Variants in PSMD2 observed in about 807,000 individuals in gnomAD.
The protein encoded by PSMD2 is proteasome 26S subunit ubiquitin receptor, non-ATPase 2.
A neutral mutation model predicts 101.5 loss-of-function variants in PSMD2; 8 were observed. The ratio of observed to expected loss-of-function variants is 0.08; its 90% CI spans 0.05 to 0.14. The LOEUF (loss-of-function observed/expected upper bound fraction) is 0.14. Among genes scored for constraint, PSMD2 ranks in the 10% least tolerant of loss-of-function variants. PSMD2 has a pLI of 1.00. For missense variants in PSMD2, 784 were observed against 1,147.4 expected (o/e 0.68, Z 4.58); for synonymous variants, 418 against 433.8 (o/e 0.96, Z 0.45).
intron 14 of PSMD2, 75 bp from the exon 15 acceptor site, chr3:184,306,275 A>C (rs1721828197): frequency 1.3e-6 from 2 of 1,592,180 alleles, no homozygotes; most frequent in African/African-American, 2.7e-5. Flanking sequence ...GATTCTTTAG[A>C]CTTCTCCTGT....
chr3:184,305,700 C>A, intron 12 of PSMD2, 68 bp from the exon 13 acceptor site: 1 of 1,423,828 alleles, frequency 7.0e-7, no homozygotes, highest in South Asian at 1.2e-5. Context: ...TAGGAATAGG[C>A]TATCTTGAAT....
intron 9 of PSMD2, 68 bp downstream of exon 9, chr3:184,303,534 A>G: frequency 6.2e-7 from 1 of 1,605,328 alleles, no homozygotes; most frequent in Non-Finnish European, 8.5e-7. Flanking sequence ...TTGGAGTCAT[A>G]AGTTATCTGA....
chr3:184,308,632 T>TA lies in PSMD2; in HGVS notation c.2544+65_2544+66insA, dbSNP rs1721926902. The TA allele has an allele frequency of 6.3e-7, 1 of 1,586,056 alleles. No homozygotes were observed. Among genetic ancestry groups the TA allele is most frequent in the African/African-American group, 1.3e-5 (1 of 74,148 alleles). On this transcript the variant is annotated intron_variant, in intron 20 of 20. Transcript: ENST00000310118. This position sits in a 1 kb window ranked among gnomAD's most constrained non-coding sequence, Gnocchi z 6.0. ...TCAAACTGGAGAATGTACATATACTTGCTTTGCTGAAACTGGCGTGGGCGG... is the reference window on the plus strand; with the variant it reads ...TCAAACTGGAGAATGTACATATACTTAGCTTTGCTGAAACTGGCGTGGGCGG...
Position 184,307,934 on chromosome 3 carries a change from C to T in PSMD2, c.2343C>T (p.Tyr781=), listed in dbSNP as rs1435226538. 1.2e-6 allele frequency: 2 copies of T among 1,614,174 alleles called. No homozygotes were observed. The highest frequency in any genetic ancestry group is 1.7e-6 in the Non-Finnish European group (2 of 1,180,034). ...LGKGTLTLCP[Y]HSDRQLMSQV... The stretch of plus-strand genomic sequence containing the variant: ...AGGGCACCCTTACCCTCTGCCCCTA[C>T]CACAGCGACCGGCAGCTTATGAGCC... The change falls in exon 19 of 21, where the codon TAC becomes TAT. Residue 781 remains tyrosine (Y), a synonymous_variant. Transcript: ENST00000310118.
chr3:184,308,994 C>T lies in PSMD2; in HGVS notation c.*104C>T. ...CAGACTTCTGGGGGAATTGTCGCCT[C>T]CTGCTCTTTTGTTACTGAGTGAGAT... On this transcript the variant is annotated 3_prime_UTR_variant, in exon 21 of 21. Coordinates refer to ENST00000310118, the MANE Select transcript of PSMD2 (RefSeq NM_002808.5). This position sits in a 1 kb window ranked among gnomAD's most constrained non-coding sequence, Gnocchi z 6.0. 1 of 1,220,242 alleles carries T rather than the reference C, an allele frequency of 8.2e-7. No homozygotes were observed. The highest frequency in any genetic ancestry group is 1.2e-6 in the Non-Finnish European group (1 of 867,018). 75.6% of individuals were successfully genotyped at this position (1,220,242 alleles called of 1,614,324 possible).
chr3:184,301,209 G>T (rs537870592), intron 3 of PSMD2, among the ~76,000 whole-genome samples: 1 of 151,654 alleles, frequency 6.6e-6, no homozygotes, highest in Non-Finnish European at 1.5e-5. Context: ...GGTGGTGGGC[G>T]CCTGTAATCC....
chr3:184,300,470 G>A lies in PSMD2; in HGVS notation c.357+26G>A, dbSNP rs745360459. 5 of 1,605,390 alleles carry A rather than the reference G, an allele frequency of 3.1e-6. No individual in the cohort carries two copies. In the African/African-American group the frequency reaches 6.7e-5, roughly 22 times the overall value. On this transcript the variant is annotated intron_variant, in intron 3 of 20. Transcript: ENST00000310118. Reference sequence around the variant, plus strand: ...GTAAAACTGTTTCAAACCTGGTGGAGGCCTAGTTTAGGAATTCCTTTTTAC... The same window carrying A: ...GTAAAACTGTTTCAAACCTGGTGGAAGCCTAGTTTAGGAATTCCTTTTTAC...
rs1298198919 is a variant in PSMD2, at chr3:184,304,934, T to A, written c.1539+543T>A. Reference sequence around the variant, plus strand: ...ACATTTTAGTGTTGAGTTCTGTCCCTTGGAATCTCTGAGAAACTACTTGGA... The same window carrying A: ...ACATTTTAGTGTTGAGTTCTGTCCCATGGAATCTCTGAGAAACTACTTGGA... On this transcript the variant is annotated intron_variant, in intron 12 of 20. Coordinates refer to ENST00000310118, the MANE Select transcript of PSMD2 (RefSeq NM_002808.5). This position sits in a 1 kb window ranked among gnomAD's most constrained non-coding sequence, Gnocchi z 4.1. Among the ~76,000 whole-genome samples, 2 of 152,132 alleles carry A rather than the reference T, an allele frequency of 1.3e-5. No individual in the cohort carries two copies. The highest frequency in any genetic ancestry group is 2.9e-5 in the Non-Finnish European group (2 of 68,006).
At chr3:184,302,571 G>T (rs1401490338) in intron 6 of PSMD2, 43 bp downstream of exon 6, 2 of 1,611,816 alleles carry the variant, frequency 1.2e-6, no homozygotes, top group Non-Finnish European at 1.7e-6. Context: ...CTTACGAATA[G>T]GACACTTGCA....
Position 184,300,333 on chromosome 3 carries a change from T to A in PSMD2, c.246T>A (p.Ile82=). Residue 82 remains isoleucine (I), a synonymous_variant, in exon 3 of 21, where the codon ATT becomes ATA. Transcript: ENST00000310118. ...RPALEELRRQ[I]RSSTTSMTSV... Reference sequence around the variant, plus strand: ...CGCTGGAGGAATTGCGAAGGCAGATTCGTTCTTCTACAACTTCCATGACTT... The same window carrying A: ...CGCTGGAGGAATTGCGAAGGCAGATACGTTCTTCTACAACTTCCATGACTT... 1 of 1,613,946 alleles carries A rather than the reference T, an allele frequency of 6.2e-7. No individual in the cohort carries two copies. Among genetic ancestry groups the A allele is most frequent in the Non-Finnish European group, 8.5e-7 (1 of 1,179,804 alleles).
intron 3 of PSMD2, chr3:184,300,758 A>G: frequency 4.0e-6 from 3 of 745,294 alleles, no homozygotes; most frequent in Non-Finnish European, 5.1e-6. Context: ...TATGTTCCAC[A>G]TTCAGTCACT....
chr3:184,303,822 C>T, intron 10 of PSMD2, 73 bp downstream of exon 10: 1 of 1,601,044 alleles, frequency 6.2e-7, no homozygotes, highest in Non-Finnish European at 8.6e-7. Flanking sequence ...GCCTCTCTTT[C>T]ACTGATGAGG....
At chr3:184,300,722 C>G in intron 3 of PSMD2, 1 of 1,017,474 alleles carries the variant, frequency 9.8e-7, no homozygotes, top group Non-Finnish European at 1.2e-6. Flanking sequence ...TTCTTCTATC[C>G]CATATACATT....
chr3:184,299,511 G>T, intron 1 of PSMD2, 110 bp downstream of exon 1: 1 of 1,289,044 alleles, frequency 7.8e-7, no homozygotes, highest in South Asian at 2.2e-5. Flanking sequence ...GGGAGAGGGC[G>T]GTTGGGGCGA....
Position 184,304,171 on chromosome 3 carries a change from CTG to C in PSMD2, c.1451+100_1451+101del. ...TCACCCATATTGCCAAGGGCTACCA[CTG>C]TGCCTATTGGGTATCTGGCTCTTGG... is the stretch of plus-strand genomic sequence containing the variant. On this transcript the variant is annotated intron_variant, in intron 11 of 20. Transcript: ENST00000310118. The surrounding 1 kb of genome is among the most constrained non-coding windows in gnomAD (Gnocchi z 4.1). 6.4e-7 allele frequency: 1 copy of C among 1,562,160 alleles called. No individual in the cohort carries two copies. Among genetic ancestry groups the C allele is most frequent in the Non-Finnish European group, 8.8e-7 (1 of 1,133,734 alleles).
In PSMD2 at chr3:184,304,974, A is replaced by T. The variant is rs1650610569; in HGVS notation, c.1539+583A>T. ...AACTACTTGGACTAGAGTGAAGTGT[A>T]ACTTAACACAGCCTGGGGTTGATGA... On this transcript the variant is annotated intron_variant, in intron 12 of 20. Transcript: ENST00000310118. The surrounding 1 kb of genome is among the most constrained non-coding windows in gnomAD (Gnocchi z 4.1). Among the ~76,000 whole-genome samples, 1 of 152,218 alleles carries T rather than the reference A, an allele frequency of 6.6e-6. No homozygotes were observed. Among genetic ancestry groups the T allele is most frequent in the African/African-American group, 2.4e-5 (1 of 41,458 alleles).
Position 184,304,152 on chromosome 3 carries a change from A to C in PSMD2, c.1451+78A>C, listed in dbSNP as rs1264280680. ...AACAGGAACTGGGCCCTTTTCACCC[A>C]TATTGCCAAGGGCTACCACTGTGCC... On this transcript the variant is annotated intron_variant, in intron 11 of 20. Coordinates refer to ENST00000310118, the MANE Select transcript of PSMD2 (RefSeq NM_002808.5). This position sits in a 1 kb window ranked among gnomAD's most constrained non-coding sequence, Gnocchi z 4.1. The C allele has an allele frequency of 3.1e-6, 5 of 1,588,742 alleles. No homozygotes were observed. Among genetic ancestry groups the C allele is most frequent in the Admixed American group, 1.7e-5 (1 of 59,938 alleles).
rs1721942877 is a variant in PSMD2 at position 184,308,965 on chromosome 3, G to T, written c.*75G>T. On this transcript the variant is annotated 3_prime_UTR_variant, in exon 21 of 21. Transcript: ENST00000310118. The surrounding 1 kb of genome is among the most constrained non-coding windows in gnomAD (Gnocchi z 6.0). ...CATCCTGCTGCCAAGGGTGGACACG[G>T]CTGCAGACTTCTGGGGGAATTGTCG... The T allele has an allele frequency of 6.9e-7, 1 of 1,448,926 alleles. No homozygotes were observed. Among genetic ancestry groups the T allele is most frequent in the Non-Finnish European group, 9.4e-7 (1 of 1,060,314 alleles). The allele number at this position is 1,448,926 out of a possible 1,614,324, so 89.8% of individuals were successfully genotyped here.
intron 5 of PSMD2, 130 bp from the exon 6 acceptor site, chr3:184,302,237 TTAG>T (rs1721670769): frequency 8.5e-7 from 1 of 1,171,134 alleles, no homozygotes; most frequent in Non-Finnish European, 1.2e-6. Context: ...TTGTGTCTTC[TTAG>T]TAGTTCTAAC....
Sources: allele counts gnomAD v4.1 joint callset (sites outside exome capture counted in the v4.1 genomes callset), GRCh38; gene constraint gnomAD v4.1.1; non-coding constraint Gnocchi (gnomAD v3.1); transcripts MANE v1.5; gene names NCBI Gene and HGNC (gene_info 2026-07-23, HGNC 2026-07-21).